Variants in DACH2 observed in about 807,000 individuals in gnomAD.
DACH2 encodes the protein dachshund homolog 2.
A neutral mutation model predicts 35.8 loss-of-function variants in DACH2; 17 were observed. The ratio of observed to expected loss-of-function variants is 0.48; its 90% CI spans 0.33 to 0.71. DACH2 has a LOEUF of 0.71. DACH2 is among the 30% of genes least tolerant of loss of function. The probability of loss-of-function intolerance (pLI) is 0.02; values close to 1 mark genes in which losing one functional copy is unlikely to be tolerated. For synonymous variants in DACH2, 195 were observed against 177.3 expected (o/e 1.10, Z -0.79); for missense variants, 469 against 472.7 (o/e 0.99, Z 0.07).
intron 1 of DACH2, among the ~76,000 whole-genome samples, chrX:86,324,706 G>A (rs1467182610): frequency 2.5e-5 from 2 of 79,950 alleles, no homozygotes; most frequent in Non-Finnish European, 4.7e-5. Flanking sequence ...AGCCTCCCAA[G>A]TAGCTGGGAC....
At chrX:86,197,483 A>T (rs966725853) in intron 1 of DACH2, among the ~76,000 whole-genome samples, 3 of 111,792 alleles carry the variant, frequency 2.7e-5, no homozygotes, top group Non-Finnish European at 5.6e-5. Context: ...ATAAAGAATG[A>T]AGATCCAATG....
Position 86,183,447 on chromosome X carries a change from C to T in DACH2, c.488+34339C>T, listed in dbSNP as rs140717566. ...ACTAAGATAATCATGTGGTTTTTGT[C>T]ATTGGTTCTGTTTATGTGATGGATT... On this transcript the variant is annotated intron_variant, in intron 1 of 11. Transcript: ENST00000373125. 6.2e-5 allele frequency among the ~76,000 whole-genome samples: 7 copies of T among 112,084 alleles called. 1 individual carries two copies. In the East Asian group the frequency reaches 2.0e-3, roughly 31 times the overall value.
intron 3 of DACH2, among the ~76,000 whole-genome samples, chrX:86,606,088 A>G (rs1252253306): frequency 2.7e-5 from 3 of 110,658 alleles, no homozygotes; most frequent in Non-Finnish European, 5.7e-5. Context: ...TCCTTGCTTT[A>G]CTGTGTGTCT....
intron 3 of DACH2, among the ~76,000 whole-genome samples, chrX:86,556,056 A>C (rs1045082140): frequency 8.9e-5 from 10 of 111,840 alleles, no homozygotes; most frequent in African/African-American, 3.2e-4. Flanking sequence ...TTATGTGATG[A>C]TGAGTAAAAG....
At chrX:86,422,267 T>C (rs1010878814) in intron 2 of DACH2, among the ~76,000 whole-genome samples, 1 of 111,340 alleles carries the variant, frequency 9.0e-6, no homozygotes, top group Admixed American at 9.6e-5. Context: ...ATTTGATCTT[T>C]TTTTTCTGAA....
At position 86,572,137 on chromosome X, in the gene DACH2, A is replaced by G. The variant is rs193136693; in HGVS notation, c.640+57746A>G. ...AGGGATAGCATTAGGAGATATACCT[A>G]ATGTAAATTATGAGTTAATGGGTGC... On this transcript the variant is annotated intron_variant, in intron 3 of 11. Coordinates refer to ENST00000373125, the MANE Select transcript of DACH2 (RefSeq NM_053281.3). 1.2e-3 allele frequency among the ~76,000 whole-genome samples: 129 copies of G among 111,135 alleles called. No individual in the cohort carries two copies. The Middle Eastern group carries it at 0.033, about 28-fold the overall frequency.
intron 1 of DACH2, among the ~76,000 whole-genome samples, chrX:86,333,769 T>A (rs1211041586): frequency 9.0e-6 from 1 of 111,724 alleles, no homozygotes; most frequent in Non-Finnish European, 1.9e-5. Context: ...TAATTTTTTT[T>A]AATATACTTT....
chrX:86,736,036 C>G (rs12559155), intron 6 of DACH2, among the ~76,000 whole-genome samples: 10,529 of 110,515 alleles, frequency 0.095, 523 homozygotes, highest in East Asian at 0.32. Flanking sequence ...AGTTAAGTAG[C>G]TAAATAGATG....
intron 5 of DACH2, among the ~76,000 whole-genome samples, chrX:86,706,890 A>G (rs914054184): frequency 9.0e-5 from 10 of 111,116 alleles, no homozygotes; most frequent in Non-Finnish European, 1.9e-4. Context: ...TAATATATTA[A>G]AAAGGATAAA....
At chrX:86,596,819 C>G (rs1436716104) in intron 3 of DACH2, among the ~76,000 whole-genome samples, 1 of 111,285 alleles carries the variant, frequency 9.0e-6, no homozygotes. Flanking sequence ...AAGATGTACC[C>G]TTATAATTTC....
At chrX:86,459,901 G>A in intron 2 of DACH2, among the ~76,000 whole-genome samples, 1 of 109,848 alleles carries the variant, frequency 9.1e-6, no homozygotes, top group Non-Finnish European at 1.9e-5. Context: ...ATTACTTATT[G>A]CTAAACTACT....
In DACH2 at chrX:86,540,729, T is replaced by C. The variant is rs1006475930; in HGVS notation, c.640+26338T>C. On this transcript the variant is annotated intron_variant, in intron 3 of 11. Coordinates refer to ENST00000373125, the MANE Select transcript of DACH2 (RefSeq NM_053281.3). ...TTACAAACTTCAAATTAGATAAATA[T>C]TTGCTTTATGTTGTAATTTTTAGTG... 1.1e-4 allele frequency among the ~76,000 whole-genome samples: 12 copies of C among 111,794 alleles called. 1 individual carries two copies. Among genetic ancestry groups the C allele is most frequent in the Admixed American group, 7.6e-4 (8 of 10,522 alleles).
chrX:86,556,783 TATATATATATATAGAGAGAGAG>T (rs1194560390), intron 3 of DACH2, among the ~76,000 whole-genome samples: 5 of 56,972 alleles, frequency 8.8e-5, no homozygotes, highest in African/African-American at 3.6e-4. Flanking sequence ...TATATATATA[TATATATATATATAGAGAGAGAG>T]AGAGAGAGAG....
intron 5 of DACH2, among the ~76,000 whole-genome samples, chrX:86,701,016 G>C (rs990087916): frequency 1.8e-5 from 2 of 111,699 alleles, no homozygotes; most frequent in Admixed American, 1.9e-4. Flanking sequence ...GGATCATCCT[G>C]ATACCAAATC....
chrX:86,536,819 C>T (rs973919830), intron 3 of DACH2, among the ~76,000 whole-genome samples: 3 of 112,078 alleles, frequency 2.7e-5, no homozygotes, highest in African/African-American at 9.7e-5. Flanking sequence ...CTCAGGACCA[C>T]CTGAGGCTGT....
chrX:86,654,723 T>C (rs1304872817), intron 4 of DACH2, among the ~76,000 whole-genome samples: 1 of 111,529 alleles, frequency 9.0e-6, no homozygotes, highest in Non-Finnish European at 1.9e-5. Flanking sequence ...TACCTAAATC[T>C]TGAGAACAAG....
rs1011422464 is a variant in DACH2 at position 86,171,205 on chromosome X, A to G, written c.488+22097A>G. The stretch of plus-strand genomic sequence containing the variant: ...TAGCTGAGCTGGTATTCTAAATGCA[A>G]GACAAAGTCCTTTCCACTCTTCCCT... On this transcript the variant is annotated intron_variant, in intron 1 of 11. Transcript: ENST00000373125. 2.9e-5 allele frequency among the ~76,000 whole-genome samples: 3 copies of G among 103,316 alleles called. No homozygotes were observed. In the Admixed American group the frequency reaches 3.0e-4, roughly 10 times the overall value. The allele number at this position is 103,316 out of a possible 115,157, so 89.7% of individuals were successfully genotyped here.
At chrX:86,663,992 A>G (rs938637542) in intron 4 of DACH2, among the ~76,000 whole-genome samples, 1 of 112,325 alleles carries the variant, frequency 8.9e-6, no homozygotes, top group African/African-American at 3.2e-5. Context: ...CCAGGAGGCA[A>G]AAGTTATTTT....
chrX:86,736,203 C>T (rs2041594741), intron 6 of DACH2, among the ~76,000 whole-genome samples: 2 of 111,042 alleles, frequency 1.8e-5, no homozygotes, highest in Admixed American at 1.9e-4. Flanking sequence ...TACGACACTG[C>T]ATTCATATAA....
Sources: gnomAD v4.1 joint callset for allele counts (sites outside exome capture counted in the v4.1 genomes callset) on GRCh38, gnomAD v4.1.1 for gene constraint, MANE v1.5 for transcripts, NCBI Gene and HGNC (gene_info 2026-07-23, HGNC 2026-07-21) for gene names.